The following RFX3 variants were observed in gnomAD, a reference collection of about 807,000 sequenced individuals.
RFX3 encodes the protein transcription factor RFX3.
A neutral mutation model predicts 98.6 loss-of-function variants in RFX3; 14 were observed. That is an observed-to-expected ratio of 0.14 (90% confidence interval 0.09 to 0.22). RFX3 has a LOEUF of 0.22. RFX3 is among the 10% of genes least tolerant of loss of function. RFX3 has a pLI of 1.00. For missense variants in RFX3, 639 were observed against 926.9 expected, an observed-to-expected ratio of 0.69 and a Z score of 4.03; for synonymous variants, 383 against 328.4, an observed-to-expected ratio of 1.17 and a Z score of -1.80.
At chr9:3,450,380 CTCTT>C (rs1328723150) in intron 1 of RFX3, among the ~76,000 whole-genome samples, 1 of 151,260 alleles carries the variant, frequency 6.6e-6, no homozygotes, top group East Asian at 1.9e-4. Context: ...ATGTTTTTCT[CTCTT>C]TTTTTTGCTA....
intron 1 of RFX3, among the ~76,000 whole-genome samples, chr9:3,468,661 G>C (rs1848517319): frequency 6.6e-6 from 1 of 152,002 alleles, no homozygotes; most frequent in Non-Finnish European, 1.5e-5. Flanking sequence ...AAAAGGCAAT[G>C]AATGTCTTGC....
intron 2 of RFX3, among the ~76,000 whole-genome samples, chr9:3,347,786 A>AT (rs1834609130): frequency 1.3e-5 from 2 of 152,142 alleles, no homozygotes; most frequent in Non-Finnish European, 2.9e-5. Context: ...AGACTGTGCC[A>AT]TTGCACTCCA....
chr9:3,518,257 A>G (rs910054412), intron 1 of RFX3, among the ~76,000 whole-genome samples: 5 of 152,196 alleles, frequency 3.3e-5, no homozygotes, highest in Non-Finnish European at 7.4e-5. Context: ...ATGACTGCAT[A>G]ACCTGACCAT....
intron 1 of RFX3, among the ~76,000 whole-genome samples, chr9:3,473,943 T>C (rs963804818): frequency 2.0e-5 from 3 of 152,094 alleles, no homozygotes; most frequent in Non-Finnish European, 4.4e-5. Flanking sequence ...ATATAGAATA[T>C]AATGTTTCTG....
intron 4 of RFX3, 103 bp from the exon 5 acceptor site, chr9:3,301,723 A>G: frequency 1.3e-6 from 1 of 764,828 alleles, no homozygotes. Context: ...TTCTTCCTCA[A>G]CGGTCGTTAA....
chr9:3,428,451 A>C (rs1347445593), intron 1 of RFX3, among the ~76,000 whole-genome samples: 1 of 152,152 alleles, frequency 6.6e-6, no homozygotes, highest in Non-Finnish European at 1.5e-5. Context: ...TTAAGTAAAA[A>C]CGTTTAAAAT....
intron 1 of RFX3, among the ~76,000 whole-genome samples, chr9:3,500,883 T>A (rs1242272857): frequency 6.6e-6 from 1 of 152,200 alleles, no homozygotes; most frequent in East Asian, 1.9e-4. Flanking sequence ...GTTAAGGATC[T>A]GATCTTAAAG....
chr9:3,322,940 C>A (rs139937991), intron 4 of RFX3, among the ~76,000 whole-genome samples: 1 of 152,174 alleles, frequency 6.6e-6, no homozygotes, highest in Non-Finnish European at 1.5e-5. Context: ...AACATCACAT[C>A]TTCCTTTCCT....
chr9:3,467,269 TAC>T (rs1564139665), intron 1 of RFX3, among the ~76,000 whole-genome samples: 5 of 145,798 alleles, frequency 3.4e-5, no homozygotes, highest in African/African-American at 1.3e-4. Context: ...TATATGTACA[TAC>T]ATACATATAT....
intron 1 of RFX3, among the ~76,000 whole-genome samples, chr9:3,416,339 G>GCA (rs1271428890): frequency 1.3e-5 from 2 of 152,120 alleles, no homozygotes; most frequent in Admixed American, 1.3e-4. Context: ...TAGCAAACAA[G>GCA]ATTACTAGAG....
Position 3,341,821 on chromosome 9 carries a change from C to T in RFX3, c.215+4846G>A, listed in dbSNP as rs980593598. ...TGGATTCACAAATCAACTCCTATAC[C>T]AGTCAGAATGTGTACATACGTAGAA... On this transcript the variant is annotated intron_variant, in intron 3 of 16. Coordinates refer to ENST00000617270, the MANE Select transcript of RFX3 (RefSeq NM_001282116.2). Among the ~76,000 whole-genome samples the T allele has an allele frequency of 3.3e-5, 5 of 152,152 alleles. No individual in the cohort carries two copies. In the East Asian group the frequency reaches 7.7e-4, roughly 23 times the overall value.
intron 1 of RFX3, among the ~76,000 whole-genome samples, chr9:3,434,563 T>G (rs1844949201): frequency 6.6e-6 from 1 of 152,140 alleles, no homozygotes; most frequent in African/African-American, 2.4e-5. Flanking sequence ...CTACAGTCCT[T>G]GTACTTCAAG....
chr9:3,333,990 G>C (rs2130936784), intron 3 of RFX3, among the ~76,000 whole-genome samples: 1 of 152,168 alleles, frequency 6.6e-6, no homozygotes, highest in African/African-American at 2.4e-5. Flanking sequence ...CATACAAGGT[G>C]AATAACTGAA....
chr9:3,318,038 G>C (rs200488184), intron 4 of RFX3, among the ~76,000 whole-genome samples: 1 of 152,242 alleles, frequency 6.6e-6, no homozygotes, highest in African/African-American at 2.4e-5. Flanking sequence ...ACCCAAAGGA[G>C]TATAAATCAT....
intron 12 of RFX3, among the ~76,000 whole-genome samples, chr9:3,265,754 C>G (rs1287293381): frequency 6.6e-6 from 1 of 151,990 alleles, no homozygotes; most frequent in African/African-American, 2.4e-5. Context: ...CCAAAACATC[C>G]TGAAAAAGCA....
chr9:3,332,768 C>T (rs1832744773), intron 3 of RFX3, among the ~76,000 whole-genome samples: 2 of 152,106 alleles, frequency 1.3e-5, no homozygotes, highest in Non-Finnish European at 2.9e-5. Context: ...TCATATTGAC[C>T]ATTTTTCTGG....
chr9:3,362,720 C>T (rs560518920), intron 2 of RFX3, among the ~76,000 whole-genome samples: 3 of 152,220 alleles, frequency 2.0e-5, no homozygotes, highest in East Asian at 1.9e-4. Flanking sequence ...GCTCTCTTGA[C>T]CTTGTGACCA....
chr9:3,410,475 T>G (rs1842374951), intron 1 of RFX3, among the ~76,000 whole-genome samples: 7 of 152,166 alleles, frequency 4.6e-5, no homozygotes, highest in Admixed American at 4.6e-4. Flanking sequence ...TTTCTAGTTT[T>G]CCTGGAAGAG....
intron 5 of RFX3, among the ~76,000 whole-genome samples, chr9:3,296,349 A>T (rs368534555): frequency 9.2e-5 from 14 of 152,128 alleles, no homozygotes; most frequent in East Asian, 5.8e-4. Flanking sequence ...TTATATCCCA[A>T]TTGAATAATT....
Sources: allele counts gnomAD v4.1 joint callset (sites outside exome capture counted in the v4.1 genomes callset), GRCh38; gene constraint gnomAD v4.1.1; transcripts MANE v1.5; gene names NCBI Gene and HGNC (gene_info 2026-07-23, HGNC 2026-07-21).